MAF: variants seen among roughly 807,000 people sequenced by gnomAD.
MAF encodes the protein transcription factor Maf.
In MAF, 10 loss-of-function variants were observed where a neutral mutation model predicts 22.0. The ratio of observed to expected loss-of-function variants is 0.45; its 90% confidence interval spans 0.28 to 0.77. The LOEUF (loss-of-function observed/expected upper bound fraction) is 0.77, where lower values mean the gene tolerates loss of function less well. Ranked by LOEUF, MAF falls within the 30% of genes least tolerant of loss-of-function variation. The pLI is 0.12. For missense variants in MAF, 544 were observed against 548.4 expected, an observed-to-expected ratio of 0.99 and a Z score of 0.08; for synonymous variants, 337 against 255.8, an observed-to-expected ratio of 1.32 and a Z score of -3.03.
the MAF span, among the ~76,000 whole-genome samples, chr16:79,469,803 G>C: frequency 6.6e-6 from 1 of 151,920 alleles, no homozygotes; most frequent in Non-Finnish European, 1.5e-5. Flanking sequence ...CACAGTGTTG[G>C]TCAGGCTGGT....
Position 79,600,066 on chromosome 16 carries a change from A to ACC in MAF, c.-165_-164insGG, listed in dbSNP as rs1913920235. ...GCCCGAAACCTCCGAGCGCGCTCAC[A>ACC]CACACACCCCCCCGCCCTGCCCGCG... On this transcript the variant is annotated 5_prime_UTR_variant, in exon 1 of 2. Coordinates refer to ENST00000326043, the MANE Select transcript of MAF (RefSeq NM_005360.5). 1.1e-6 allele frequency: 1 copy of ACC among 874,084 alleles called. No homozygotes were observed. Among genetic ancestry groups the ACC allele is most frequent in the Non-Finnish European group, 1.7e-6 (1 of 583,248 alleles). The allele number at this position is 874,084 out of a possible 1,614,324, so 54.1% of individuals were successfully genotyped here. A position where few individuals can be genotyped will look rare whatever the true frequency, so the allele number is the denominator to read the frequency against.
chr16:79,466,671 T>G, the MAF span, among the ~76,000 whole-genome samples: 2 of 152,230 alleles, frequency 1.3e-5, no homozygotes, highest in African/African-American at 2.4e-5. Flanking sequence ...ATAATGTGTG[T>G]GATGCTTGAC....
the MAF span, among the ~76,000 whole-genome samples, chr16:79,364,874 A>C: frequency 6.6e-6 from 1 of 152,162 alleles, no homozygotes; most frequent in East Asian, 1.9e-4. Flanking sequence ...TAAAAGATAA[A>C]CTTAGGCACA....
At chr16:79,239,485 A>G in the MAF span, among the ~76,000 whole-genome samples, 5 of 152,034 alleles carry the variant, frequency 3.3e-5, no homozygotes, top group Non-Finnish European at 5.9e-5. Flanking sequence ...AACCCACTGA[A>G]TGATAGGGTT....
chr16:79,343,299 T>A, the MAF span, among the ~76,000 whole-genome samples: 1 of 151,884 alleles, frequency 6.6e-6, no homozygotes, highest in South Asian at 2.1e-4. Flanking sequence ...TATTTCCTCA[T>A]GAGTGTCTCG....
At chr16:79,310,361 GAGAGAGAT>G in the MAF span, among the ~76,000 whole-genome samples, 1 of 152,078 alleles carries the variant, frequency 6.6e-6, no homozygotes, top group African/African-American at 2.4e-5. Flanking sequence ...TTTCGGACGA[GAGAGAGAT>G]AGAGACAGAG....
chr16:79,313,097 G>A, the MAF span, among the ~76,000 whole-genome samples: 1 of 152,116 alleles, frequency 6.6e-6, no homozygotes, highest in African/African-American at 2.4e-5. Context: ...TTCTTCGTCT[G>A]CAAAGGGGAA....
At chr16:79,223,976 T>A in the MAF span, among the ~76,000 whole-genome samples, 1 of 152,054 alleles carries the variant, frequency 6.6e-6, no homozygotes, top group Non-Finnish European at 1.5e-5. Context: ...TTGCAAACAA[T>A]AGGAAAAGAA....
chr16:79,586,184 C>T (rs1379559522), intron 1 of MAF, among the ~76,000 whole-genome samples: 1 of 152,186 alleles, frequency 6.6e-6, no homozygotes. Context: ...TACTGTTTCT[C>T]AACTGAGAGG....
chr16:79,489,118 C>T, the MAF span, among the ~76,000 whole-genome samples: 1 of 151,982 alleles, frequency 6.6e-6, no homozygotes, highest in African/African-American at 2.4e-5. Flanking sequence ...TATCCATCCA[C>T]TTACCCATCC....
At chr16:79,336,831 G>A in the MAF span, among the ~76,000 whole-genome samples, 1 of 152,148 alleles carries the variant, frequency 6.6e-6, no homozygotes, top group Non-Finnish European at 1.5e-5. Flanking sequence ...ACCTTCTGGA[G>A]CTACAAATTA....
chr16:79,367,963 C>G, the MAF span, among the ~76,000 whole-genome samples: 2 of 152,188 alleles, frequency 1.3e-5, no homozygotes, highest in African/African-American at 2.4e-5. Flanking sequence ...CTAGACCAGA[C>G]CAATCTGGGA....
At chr16:79,331,431 T>A in the MAF span, among the ~76,000 whole-genome samples, 2 of 152,228 alleles carry the variant, frequency 1.3e-5, no homozygotes, top group African/African-American at 2.4e-5. Flanking sequence ...TCACCCTTCA[T>A]GGCTTGGACT....
the MAF span, among the ~76,000 whole-genome samples, chr16:79,535,555 G>A: frequency 6.6e-6 from 1 of 150,692 alleles, no homozygotes; most frequent in African/African-American, 2.4e-5. Flanking sequence ...TATTCATAAA[G>A]GACTGAAGAT....
At chr16:79,425,982 G>T in the MAF span, among the ~76,000 whole-genome samples, 1 of 152,174 alleles carries the variant, frequency 6.6e-6, no homozygotes, top group African/African-American at 2.4e-5. Flanking sequence ...TGACACAGGC[G>T]GATCACCAGA....
the MAF span, among the ~76,000 whole-genome samples, chr16:79,298,499 G>C: frequency 6.6e-6 from 1 of 152,182 alleles, no homozygotes; most frequent in East Asian, 1.9e-4. Flanking sequence ...GCTCCAACTG[G>C]GGAGGGGAAG....
chr16:79,558,167 G>C, the MAF span, among the ~76,000 whole-genome samples: 5 of 152,152 alleles, frequency 3.3e-5, no homozygotes, highest in African/African-American at 1.2e-4. Flanking sequence ...GCCTGTGGGG[G>C]GCCATTTTAT....
At chr16:79,360,081 T>C in the MAF span, among the ~76,000 whole-genome samples, 2 of 152,118 alleles carry the variant, frequency 1.3e-5, no homozygotes, top group African/African-American at 4.8e-5. Flanking sequence ...TCCTGACTCT[T>C]GGAATGGCTG....
At chr16:79,501,164 A>C in the MAF span, among the ~76,000 whole-genome samples, 1 of 152,096 alleles carries the variant, frequency 6.6e-6, no homozygotes, top group Admixed American at 6.6e-5. Context: ...CATCTGTCCT[A>C]GCTTCTGGTG....
Sources: allele counts gnomAD v4.1 joint callset (sites outside exome capture counted in the v4.1 genomes callset), GRCh38; gene constraint gnomAD v4.1.1; transcripts MANE v1.5; gene names NCBI Gene and HGNC (gene_info 2026-07-23, HGNC 2026-07-21).